KCTD7: variants seen among roughly 807,000 people sequenced by gnomAD.
KCTD7 encodes the protein potassium channel tetramerization domain containing 7.
In KCTD7, 15 loss-of-function variants were observed where a neutral mutation model predicts 27.0. The ratio of observed to expected loss-of-function variants is 0.56; its 90% confidence interval spans 0.37 to 0.86. KCTD7 has a LOEUF of 0.86. Ranked by LOEUF, KCTD7 falls within the 40% of genes least tolerant of loss-of-function variation. The pLI is 0.00. For synonymous variants in KCTD7, 159 were observed against 162.7 expected, an observed-to-expected ratio of 0.98 and a Z score of 0.17; for missense variants, 299 against 398.9, an observed-to-expected ratio of 0.75 and a Z score of 2.13.
chr7:66,638,201 C>G, intron 2 of KCTD7, 52 bp from the exon 3 acceptor site: 1 of 1,598,552 alleles, frequency 6.3e-7, no homozygotes, highest in Non-Finnish European at 8.6e-7. Context: ...CTGTGTGGCA[C>G]TGCCCAGGAG....
chr7:66,638,223 T>C, intron 2 of KCTD7, 30 bp from the exon 3 acceptor site: 1 of 1,613,720 alleles, frequency 6.2e-7, no homozygotes, highest in Non-Finnish European at 8.5e-7. Context: ...ATAAGCTCCT[T>C]GTCACCGACC....
Position 66,640,771 on chromosome 7 carries a change from A to C in KCTD7, c.*1539A>C, listed in dbSNP as rs1002307000. 1.2e-5 allele frequency: 12 copies of C among 1,021,544 alleles called. No individual in the cohort carries two copies. The highest frequency in any genetic ancestry group is 1.2e-5 in the Non-Finnish European group (10 of 848,576). 63.3% of individuals were successfully genotyped at this position (1,021,544 alleles called of 1,614,324 possible). A position where few individuals can be genotyped will look rare whatever the true frequency, so the allele number is the denominator to read the frequency against. ...CTTGAGCCCAGGAGATTAAGACTGT[A>C]GTATACTATGATCGTGCCTGTGGCT... On this transcript the variant is annotated 3_prime_UTR_variant, in exon 4 of 4. Transcript: ENST00000639828.
chr7:66,634,113 CATATATATATATATATATATAT>C (rs3069693), intron 2 of KCTD7, among the ~76,000 whole-genome samples: 3 of 132,260 alleles, frequency 2.3e-5, no homozygotes, highest in Admixed American at 7.6e-5. Flanking sequence ...TGTGTGTATA[CATATATATATATATATATATAT>C]ATGTATATAT....
chr7:66,639,257 A>G lies in KCTD7; in HGVS notation c.*25A>G. 1 of 1,605,160 alleles carries G rather than the reference A, an allele frequency of 6.2e-7. No individual in the cohort carries two copies. Among genetic ancestry groups the G allele is most frequent in the Non-Finnish European group, 8.5e-7 (1 of 1,179,972 alleles). On this transcript the variant is annotated 3_prime_UTR_variant, in exon 4 of 4. Coordinates refer to ENST00000639828, the MANE Select transcript of KCTD7 (RefSeq NM_153033.5). ...AGTAGCCCCGGTAGGCGAGAGTCCC[A>G]TCAGGGAGGATGTCCACCTTGCTTG...
chr7:66,640,084 T>C lies in KCTD7; in HGVS notation c.*852T>C. ...GACATGTAACATCCTTTTTAGAGGC[T>C]CAGAACACCTCCTTGGCTGCTATCT... On this transcript the variant is annotated 3_prime_UTR_variant, in exon 4 of 4. Coordinates refer to ENST00000639828, the MANE Select transcript of KCTD7 (RefSeq NM_153033.5). The C allele has an allele frequency of 7.0e-6, 9 of 1,294,580 alleles. No individual in the cohort carries two copies. Among genetic ancestry groups the C allele is most frequent in the Non-Finnish European group, 8.8e-6 (9 of 1,026,584 alleles). The allele number at this position is 1,294,580 out of a possible 1,614,324, so 80.2% of individuals were successfully genotyped here.
In KCTD7 at chr7:66,632,762, G is replaced by A. The variant is rs1017799760; in HGVS notation, c.145-513G>A. ...AGACCTGATTTAAAAGCTATCAGGG[G>A]GCCAGGCACAGTGGCTCATGCCTGT... On this transcript the variant is annotated intron_variant, in intron 1 of 3. Coordinates refer to ENST00000639828, the MANE Select transcript of KCTD7 (RefSeq NM_153033.5). Among the ~76,000 whole-genome samples the A allele has an allele frequency of 3.3e-5, 5 of 151,856 alleles. No homozygotes were observed. In the South Asian group the frequency reaches 1.0e-3, roughly 32 times the overall value.
At position 66,642,631 on chromosome 7, in the gene KCTD7, T is replaced by C. The variant is rs778804133; in HGVS notation, c.*3399T>C. 23 of 985,250 alleles carry C rather than the reference T, an allele frequency of 2.3e-5. No individual in the cohort carries two copies. Among genetic ancestry groups the C allele is most frequent in the Non-Finnish European group, 2.7e-5 (22 of 829,892 alleles). The allele number at this position is 985,250 out of a possible 1,614,324, so 61.0% of individuals were successfully genotyped here. On this transcript the variant is annotated 3_prime_UTR_variant, in exon 4 of 4. Transcript: ENST00000639828. The stretch of plus-strand genomic sequence containing the variant: ...GTTCTATCCATATTTGATTCCAATA[T>C]ACATTATTAAGCTTTCTTGGGTACT...
chr7:66,638,713 C>A lies in KCTD7; in HGVS notation c.494-143C>A, dbSNP rs947809084. 31 of 1,035,566 alleles carry A rather than the reference C, an allele frequency of 3.0e-5. No individual in the cohort carries two copies. The Admixed American group carries it at 5.1e-4, about 17-fold the overall frequency. The allele number at this position is 1,035,566 out of a possible 1,614,324, so 64.1% of individuals were successfully genotyped here. On this transcript the variant is annotated intron_variant, in intron 3 of 3. Coordinates refer to ENST00000639828, the MANE Select transcript of KCTD7 (RefSeq NM_153033.5). ...GACCCTTGTTTAAGTTTGTGCCCTT[C>A]ATTGGCCCCCTGAGTCCCTTCCCCG...
At chr7:66,629,379 C>T (rs1404313076) in intron 1 of KCTD7, among the ~76,000 whole-genome samples, 171 bp downstream of exon 1, 7 of 145,114 alleles carry the variant, frequency 4.8e-5, no homozygotes, top group East Asian at 2.3e-4. Flanking sequence ...TGCACCCCTA[C>T]CCACCCACCT....
At position 66,639,658 on chromosome 7, in the gene KCTD7, T is replaced by G. The variant is rs1462353725; in HGVS notation, c.*426T>G. On this transcript the variant is annotated 3_prime_UTR_variant, in exon 4 of 4. Coordinates refer to ENST00000639828, the MANE Select transcript of KCTD7 (RefSeq NM_153033.5). ...GCGTCCCTCCCTTGTGCTCAGTATA[T>G]TGGTGTGAACACGGAACATGATGGG... is the stretch of plus-strand genomic sequence containing the variant. 1 of 1,313,342 alleles carries G rather than the reference T, an allele frequency of 7.6e-7. No individual in the cohort carries two copies. Among genetic ancestry groups the G allele is most frequent in the African/African-American group, 1.5e-5 (1 of 68,132 alleles). The allele number at this position is 1,313,342 out of a possible 1,614,324, so 81.4% of individuals were successfully genotyped here. A position where few individuals can be genotyped will look rare whatever the true frequency, so the allele number is the denominator to read the frequency against.
At chr7:66,636,504 A>G (rs1786590782) in intron 2 of KCTD7, among the ~76,000 whole-genome samples, 1 of 151,842 alleles carries the variant, frequency 6.6e-6, no homozygotes, top group Non-Finnish European at 1.5e-5. Context: ...AGCGAGTGTT[A>G]GCTGGTGTTG....
In KCTD7 at chr7:66,642,124, T is replaced by C; in HGVS notation, c.*2892T>C. 1.0e-6 allele frequency: 1 copy of C among 985,356 alleles called. No homozygotes were observed. The highest frequency in any genetic ancestry group is 5.2e-4 in the Middle Eastern group (1 of 1,914). The allele number at this position is 985,356 out of a possible 1,614,324, so 61.0% of individuals were successfully genotyped here. ...GCAATGCTCGCCATAACAAAATTCCTTAAAAATAAAAAAGCTAATGTTATA... is the reference window on the plus strand; with the variant it reads ...GCAATGCTCGCCATAACAAAATTCCCTAAAAATAAAAAAGCTAATGTTATA... On this transcript the variant is annotated 3_prime_UTR_variant, in exon 4 of 4. Coordinates refer to ENST00000639828, the MANE Select transcript of KCTD7 (RefSeq NM_153033.5).
Position 66,629,154 on chromosome 7 carries a change from G to A in KCTD7, c.90G>A (p.Pro30=), listed in dbSNP as rs1584392851. The part of the protein sequence containing the change: ...SSDAEDDFLE[P]ATPTATQAGH... ...ACGCCGAAGACGACTTTCTGGAGCC[G>A]GCCACGCCGACGGCCACGCAGGCGG... The change falls in exon 1 of 4, where the codon CCG becomes CCA. Residue 30 remains proline (P), a synonymous_variant. Transcript: ENST00000639828. 6.5e-7 allele frequency: 1 copy of A among 1,527,232 alleles called. No homozygotes were observed. Among genetic ancestry groups the A allele is most frequent in the Non-Finnish European group, 8.8e-7 (1 of 1,138,342 alleles). The allele number at this position is 1,527,232 out of a possible 1,614,324, so 94.6% of individuals were successfully genotyped here.
At position 66,639,816 on chromosome 7, in the gene KCTD7, C is replaced by T. The variant is rs754157170; in HGVS notation, c.*584C>T. ...TGTGGAAAGACTTTTCTTTTCCTTC[C>T]GGAACATGTTCTTCACCACCTTTTG... is the stretch of plus-strand genomic sequence containing the variant. On this transcript the variant is annotated 3_prime_UTR_variant, in exon 4 of 4. Coordinates refer to ENST00000639828, the MANE Select transcript of KCTD7 (RefSeq NM_153033.5). 2.2e-5 allele frequency: 28 copies of T among 1,248,170 alleles called. No homozygotes were observed. The highest frequency in any genetic ancestry group is 1.8e-4 in the East Asian group (6 of 32,892). 77.3% of individuals were successfully genotyped at this position (1,248,170 alleles called of 1,614,324 possible). A position where few individuals can be genotyped will look rare whatever the true frequency, so the allele number is the denominator to read the frequency against.
chr7:66,634,013 T>G (rs1475332228), intron 2 of KCTD7, among the ~76,000 whole-genome samples: 5 of 150,828 alleles, frequency 3.3e-5, no homozygotes, highest in Non-Finnish European at 5.9e-5. Flanking sequence ...TCATTTTTAT[T>G]TATTTATTAT....
chr7:66,643,213 T>C (rs1296359834), downstream of KCTD7: 1 of 985,188 alleles, frequency 1.0e-6, no homozygotes, highest in African/African-American at 1.7e-5. Flanking sequence ...ATTTCTGCCC[T>C]GAAAGGGAGG....
rs949634464 is a variant in KCTD7 at position 66,641,590 on chromosome 7, G to C, written c.*2358G>C. On this transcript the variant is annotated 3_prime_UTR_variant, in exon 4 of 4. Coordinates refer to ENST00000639828, the MANE Select transcript of KCTD7 (RefSeq NM_153033.5). Reference sequence around the variant, plus strand: ...TCGCTGGAGAAATCCCTGTTTCTCTGACTCCCTTTGTGATCCTCACAGTAA... The same window carrying C: ...TCGCTGGAGAAATCCCTGTTTCTCTCACTCCCTTTGTGATCCTCACAGTAA... 1.0e-6 allele frequency: 1 copy of C among 985,342 alleles called. No individual in the cohort carries two copies. The highest frequency in any genetic ancestry group is 1.2e-6 in the Non-Finnish European group (1 of 829,964). 61.0% of individuals were successfully genotyped at this position (985,342 alleles called of 1,614,324 possible). A position where few individuals can be genotyped will look rare whatever the true frequency, so the allele number is the denominator to read the frequency against.
chr7:66,629,994 A>G (rs897145399), intron 1 of KCTD7, among the ~76,000 whole-genome samples: 4 of 152,202 alleles, frequency 2.6e-5, no homozygotes, highest in African/African-American at 9.6e-5. Flanking sequence ...AGAAGATACC[A>G]GGCATGGTGG....
intron 2 of KCTD7, among the ~76,000 whole-genome samples, chr7:66,634,661 C>T (rs545255159): frequency 1.3e-4 from 20 of 152,100 alleles, no homozygotes; most frequent in African/African-American, 4.3e-4. Flanking sequence ...TGGGGCTCAG[C>T]GTTGCCATGG....
Sources: gnomAD v4.1 joint callset for allele counts (sites outside exome capture counted in the v4.1 genomes callset) on GRCh38, gnomAD v4.1.1 for gene constraint, MANE v1.5 for transcripts, NCBI Gene and HGNC (gene_info 2026-07-23, HGNC 2026-07-21) for gene names.